Variants in ATF7 observed in about 807,000 individuals in gnomAD.
The protein encoded by ATF7 is activating transcription factor 7, also known as cyclic AMP-dependent transcription factor ATF-7.
Under a neutral mutation model 50.4 loss-of-function variants are expected in ATF7, and 10 were observed. The observed-to-expected ratio is 0.20, with a 90% CI of 0.12 to 0.34. The LOEUF (loss-of-function observed/expected upper bound fraction) is 0.34. Among genes scored for constraint, ATF7 ranks in the 10% least tolerant of loss-of-function variants. The probability of loss-of-function intolerance (pLI) is 1.00; values close to 1 mark genes in which losing one functional copy is unlikely to be tolerated. For synonymous variants in ATF7, 201 were observed against 226.4 expected, an observed-to-expected ratio of 0.89 and a Z score of 1.01; for missense variants, 465 against 613.9, an observed-to-expected ratio of 0.76 and a Z score of 2.56.
chr12:53,518,272 G>A (rs542900776), intron 11 of ATF7, among the ~76,000 whole-genome samples: 2 of 152,244 alleles, frequency 1.3e-5, no homozygotes, highest in Non-Finnish European at 2.9e-5. Flanking sequence ...TCCCTGGCCC[G>A]GGTTCAGTTA....
rs1407319313 is a variant in ATF7, at chr12:53,513,334, CTG to C, written c.*3801_*3802del. 3 of 152,152 alleles carry C rather than the reference CTG, an allele frequency of 2.0e-5. No individual in the cohort carries two copies. Among genetic ancestry groups the C allele is most frequent in the Non-Finnish European group, 4.4e-5 (3 of 68,030 alleles). The allele number at this position is 152,152 out of a possible 1,614,324, so 9.4% of individuals were successfully genotyped here. ...TGGTATGGGGTGGGGGAATTTATGT[CTG>C]TATGCACATTTGTGTGTACAAACAG... On this transcript the variant is annotated 3_prime_UTR_variant, in exon 12 of 12. Transcript: ENST00000420353.
At chr12:53,616,007 C>T (rs1032930681) in intron 1 of ATF7, among the ~76,000 whole-genome samples, 3 of 152,098 alleles carry the variant, frequency 2.0e-5, no homozygotes, top group African/African-American at 7.2e-5. Context: ...TAAGCCCTCC[C>T]CAAAAATTGA....
intron 1 of ATF7, among the ~76,000 whole-genome samples, chr12:53,604,643 A>G (rs912045378): frequency 1.3e-5 from 2 of 152,210 alleles, no homozygotes; most frequent in African/African-American, 2.4e-5. Context: ...GCCCAACTCT[A>G]AGCAAGGAAT....
At chr12:53,571,250 T>C (rs1045886778) in intron 2 of ATF7, among the ~76,000 whole-genome samples, 1 of 152,114 alleles carries the variant, frequency 6.6e-6, no homozygotes, top group Admixed American at 6.6e-5. Context: ...CTCAGGAGGA[T>C]ACGGTCCTCT....
intron 2 of ATF7, among the ~76,000 whole-genome samples, chr12:53,595,192 G>GA (rs35874176): frequency 1.3e-5 from 2 of 152,208 alleles, no homozygotes; most frequent in African/African-American, 2.4e-5. Context: ...AGAGGGTGGG[G>GA]AAAAAAGGCT....
At position 53,618,611 on chromosome 12, in the gene ATF7, T is replaced by C. The variant is rs147262704; in HGVS notation, c.-22+7668A>G. ...TAGTCCCTAGAGATGTCTTCTGAAG[T>C]TGTATCTCATTTGTAGCACCCTTCA... is the stretch of plus-strand genomic sequence containing the variant. On this transcript the variant is annotated intron_variant, in intron 1 of 11. Transcript: ENST00000420353. Among the ~76,000 whole-genome samples the C allele has an allele frequency of 3.0e-4, 46 of 152,276 alleles. 1 individual carries two copies. The highest frequency in any genetic ancestry group is 1.1e-3 in the African/African-American group (45 of 41,546).
intron 9 of ATF7, among the ~76,000 whole-genome samples, chr12:53,530,557 TA>T (rs1415352506): frequency 4.0e-5 from 6 of 151,028 alleles, no homozygotes; most frequent in African/African-American, 7.4e-5. Context: ...TTTGGTGTCT[TA>T]TTTTTTTATA....
chr12:53,524,041 T>G lies in ATF7; in HGVS notation c.1125+523A>C, dbSNP rs1938287036. On this transcript the variant is annotated intron_variant, in intron 10 of 11. Transcript: ENST00000420353. The surrounding 1 kb of genome is among the most constrained non-coding windows in gnomAD (Gnocchi z 4.6). ...GAAAAGGCAGATTAAAGAGGGACTT[T>G]GTTTCTATTCTGTACATTTGTGTGT... Among the ~76,000 whole-genome samples, 1 of 152,228 alleles carries G rather than the reference T, an allele frequency of 6.6e-6. No homozygotes were observed. The highest frequency in any genetic ancestry group is 1.5e-5 in the Non-Finnish European group (1 of 68,032).
intron 3 of ATF7, among the ~76,000 whole-genome samples, chr12:53,549,456 T>C (rs1592845916): frequency 6.6e-6 from 1 of 151,112 alleles, no homozygotes; most frequent in African/African-American, 2.4e-5. Context: ...CAGGCTGGAG[T>C]GCAATGGCAC....
intron 9 of ATF7, among the ~76,000 whole-genome samples, chr12:53,527,115 C>T (rs577549684): frequency 5.9e-5 from 9 of 151,812 alleles, no homozygotes; most frequent in African/African-American, 1.9e-4. Context: ...GCCGAGATTG[C>T]GCCACTGCAC....
In ATF7 at chr12:53,532,564, G is replaced by A. The variant is rs1270760412; in HGVS notation, c.720C>T (p.Asn240=). Residue 240 remains asparagine, a synonymous_variant, in exon 8 of 12, where the codon AAC becomes AAT. Coordinates refer to ENST00000420353, the MANE Select transcript of ATF7 (RefSeq NM_006856.3). ...CAGAGGGAGAAATGGAGCCACTACTGTTAACTGGTGGGCCAGGGATACCAG... is the reference window on the plus strand; with the variant it reads ...CAGAGGGAGAAATGGAGCCACTACTATTAACTGGTGGGCCAGGGATACCAG... ...NIPGIPGPPV[N]SSGSISPSGH... is the part of the protein sequence containing the mutation. 3 of 1,609,914 alleles carry A rather than the reference G, an allele frequency of 1.9e-6. No individual in the cohort carries two copies. The highest frequency in any genetic ancestry group is 2.7e-5 in the African/African-American group (2 of 74,750).
At chr12:53,529,502 A>AT (rs1555216801) in intron 9 of ATF7, among the ~76,000 whole-genome samples, 2 of 146,354 alleles carry the variant, frequency 1.4e-5, no homozygotes, top group South Asian at 2.2e-4. Flanking sequence ...CGCCTGGCTA[A>AT]TTTTTTTTGT....
chr12:53,619,557 A>G (rs1944292429), intron 1 of ATF7, among the ~76,000 whole-genome samples: 3 of 151,970 alleles, frequency 2.0e-5, no homozygotes, highest in Admixed American at 6.6e-5. Flanking sequence ...CCCAGCCTGT[A>G]ATTCCAGCAC....
chr12:53,577,307 T>G (rs1215859972), intron 2 of ATF7, among the ~76,000 whole-genome samples: 1 of 151,522 alleles, frequency 6.6e-6, no homozygotes, highest in Non-Finnish European at 1.5e-5. Context: ...CAATAGAAAC[T>G]TCCAAAACTG....
chr12:53,508,645 G>A (rs1944070238), downstream of ATF7, among the ~76,000 whole-genome samples: 1 of 152,044 alleles, frequency 6.6e-6, no homozygotes, highest in Non-Finnish European at 1.5e-5. Flanking sequence ...TTTGCAGACA[G>A]ACCCCCATCC....
In ATF7 at chr12:53,590,227, C is replaced by G. The variant is rs1942883847; in HGVS notation, c.48+10726G>C. On this transcript the variant is annotated intron_variant, in intron 2 of 11. Transcript: ENST00000420353. ...AAAAACGTCCATTTCTTTATGTAGC[C>G]AATATCACAGTCGTCATTAAACCAA... 3.3e-5 allele frequency among the ~76,000 whole-genome samples: 5 copies of G among 152,178 alleles called. No homozygotes were observed. In the South Asian group the frequency reaches 8.3e-4, roughly 25 times the overall value.
In ATF7 at chr12:53,514,640, CCTCA is replaced by C. The variant is rs1937618120; in HGVS notation, c.*2493_*2496del. The C allele has an allele frequency of 1.3e-5, 2 of 152,234 alleles. No individual in the cohort carries two copies. The highest frequency in any genetic ancestry group is 4.2e-4 in the South Asian group (2 of 4,818). 9.4% of individuals were successfully genotyped at this position (152,234 alleles called of 1,614,324 possible). ...TTGTTACTGTGGTTCTGGCAGTGCT[CCTCA>C]CTGAGGTCCCGTACACATCTTCCCA... On this transcript the variant is annotated 3_prime_UTR_variant, in exon 12 of 12. Coordinates refer to ENST00000420353, the MANE Select transcript of ATF7 (RefSeq NM_006856.3).
intron 5 of ATF7, among the ~76,000 whole-genome samples, chr12:53,536,734 A>T (rs923758715): frequency 8.6e-5 from 13 of 152,032 alleles, no homozygotes; most frequent in Non-Finnish European, 7.4e-5. Flanking sequence ...CTAAAAGTAC[A>T]AAAATTAGCC....
intron 2 of ATF7, among the ~76,000 whole-genome samples, chr12:53,587,840 T>TAC (rs1942773072): frequency 2.0e-5 from 1 of 50,976 alleles, no homozygotes; most frequent in Non-Finnish European, 4.1e-5. Context: ...TATATATATA[T>TAC]ATATTTTTTT....
Sources: gnomAD v4.1 joint callset for allele counts (sites outside exome capture counted in the v4.1 genomes callset) on GRCh38, gnomAD v4.1.1 for gene constraint, Gnocchi (gnomAD v3.1) non-coding constraint, MANE v1.5 for transcripts, NCBI Gene and HGNC (gene_info 2026-07-23, HGNC 2026-07-21) for gene names.